PRLR: variants seen among roughly 807,000 people sequenced by gnomAD.
PRLR encodes the protein prolactin receptor, also known as hPRL receptor.
In PRLR, 13 loss-of-function variants were observed where a neutral mutation model predicts 40.2. That is an observed-to-expected ratio of 0.32 (90% CI 0.21 to 0.51). The LOEUF (loss-of-function observed/expected upper bound fraction) is 0.51. Among genes scored for constraint, PRLR ranks in the 20% least tolerant of loss-of-function variants. The pLI is 0.97. For missense variants in PRLR, 656 were observed against 747.3 expected (o/e 0.88, Z 1.42); for synonymous variants, 269 against 278.7 (o/e 0.97, Z 0.35).
intron 1 of PRLR, among the ~76,000 whole-genome samples, chr5:35,224,460 T>C (rs1938275626): frequency 6.6e-6 from 1 of 152,222 alleles, no homozygotes; most frequent in African/African-American, 2.4e-5. Context: ...TTCATTCTTG[T>C]CAGCTTCTTT....
intron 2 of PRLR, among the ~76,000 whole-genome samples, chr5:35,091,695 G>T (rs1771220241): frequency 1.3e-5 from 2 of 152,184 alleles, no homozygotes; most frequent in African/African-American, 4.8e-5. Context: ...GTAGGGGCAG[G>T]AGAGCCAGAG....
intron 5 of PRLR, among the ~76,000 whole-genome samples, chr5:35,079,927 A>G (rs1328878738): frequency 6.6e-6 from 1 of 152,252 alleles, no homozygotes; most frequent in East Asian, 1.9e-4. Flanking sequence ...GACAAAAACA[A>G]GAAATGGGGA....
chr5:35,170,926 C>T (rs918979721), intron 1 of PRLR, among the ~76,000 whole-genome samples: 17 of 152,048 alleles, frequency 1.1e-4, no homozygotes, highest in African/African-American at 2.9e-4. Context: ...ATTGAACAAA[C>T]GGACAAAGTA....
At chr5:35,203,593 C>G (rs1390462243) in intron 1 of PRLR, among the ~76,000 whole-genome samples, 1 of 152,164 alleles carries the variant, frequency 6.6e-6, no homozygotes, top group Non-Finnish European at 1.5e-5. Context: ...GTAGAGAAAC[C>G]TACTTAATGA....
At chr5:35,150,580 C>T (rs1482198181) in intron 1 of PRLR, among the ~76,000 whole-genome samples, 3 of 152,040 alleles carry the variant, frequency 2.0e-5, no homozygotes, top group African/African-American at 7.2e-5. Context: ...TGAATTAAAC[C>T]ATCTACATTT....
intron 1 of PRLR, among the ~76,000 whole-genome samples, chr5:35,187,458 C>G (rs1363281952): frequency 6.6e-6 from 1 of 151,754 alleles, no homozygotes; most frequent in Non-Finnish European, 1.5e-5. Context: ...AATTCTAACA[C>G]TATCAACAGA....
intron 1 of PRLR, among the ~76,000 whole-genome samples, chr5:35,203,848 T>TAGGGC (rs10648163): frequency 0.7 from 106,583 of 151,454 alleles, 39,516 homozygotes; most frequent in Non-Finnish European, 0.83. Context: ...ACTAAATATT[T>TAGGGC]AGGTAGTTGA....
At chr5:35,153,477 G>T (rs1579738575) in intron 1 of PRLR, among the ~76,000 whole-genome samples, 1 of 152,222 alleles carries the variant, frequency 6.6e-6, no homozygotes, top group East Asian at 1.9e-4. Context: ...CCTCACAAAA[G>T]CCATATGTAA....
chr5:35,112,237 T>C (rs35248131), intron 2 of PRLR, among the ~76,000 whole-genome samples: 8,346 of 152,254 alleles, frequency 0.055, 548 homozygotes, highest in East Asian at 0.18. Flanking sequence ...TGTCTTAGGG[T>C]TATTTGAAAT....
At chr5:35,163,247 G>A (rs745801678) in intron 1 of PRLR, among the ~76,000 whole-genome samples, 17 of 152,170 alleles carry the variant, frequency 1.1e-4, no homozygotes, top group African/African-American at 3.1e-4. Flanking sequence ...CCTCGAAATC[G>A]TCTGTGAGCC....
At chr5:35,147,672 A>G (rs973677499) in intron 1 of PRLR, among the ~76,000 whole-genome samples, 1 of 152,202 alleles carries the variant, frequency 6.6e-6, no homozygotes, top group African/African-American at 2.4e-5. Context: ...TAAAACAACC[A>G]CAGTTTAAAA....
intron 8 of PRLR, among the ~76,000 whole-genome samples, chr5:35,049,679 A>G (rs879550083): frequency 4.6e-5 from 7 of 152,158 alleles, no homozygotes; most frequent in Non-Finnish European, 7.4e-5. Context: ...AGAAACTGAA[A>G]GTCTTCATAT....
intron 1 of PRLR, among the ~76,000 whole-genome samples, chr5:35,149,100 T>C (rs954102648): frequency 3.9e-5 from 6 of 152,092 alleles, no homozygotes; most frequent in African/African-American, 1.4e-4. Context: ...ATAAATAAAG[T>C]TCATAATCTT....
chr5:35,080,247 C>T (rs901354410), intron 5 of PRLR, among the ~76,000 whole-genome samples: 2 of 152,032 alleles, frequency 1.3e-5, no homozygotes, highest in African/African-American at 4.8e-5. Flanking sequence ...TCAGAGTGAA[C>T]AGGCAACCTA....
intron 5 of PRLR, among the ~76,000 whole-genome samples, chr5:35,077,798 T>C (rs1188809784): frequency 6.6e-6 from 1 of 152,174 alleles, no homozygotes; most frequent in Non-Finnish European, 1.5e-5. Flanking sequence ...GACCACATAG[T>C]TGGAAGGAAA....
At chr5:35,127,270 T>C (rs1179307538) in intron 1 of PRLR, among the ~76,000 whole-genome samples, 1 of 152,210 alleles carries the variant, frequency 6.6e-6, no homozygotes, top group African/African-American at 2.4e-5. Context: ...CAGTGTTCCA[T>C]GTGCATGCCA....
chr5:35,066,198 G>C, intron 9 of PRLR, 96 bp from the exon 10 acceptor site: 1 of 1,223,280 alleles, frequency 8.2e-7, no homozygotes, highest in Non-Finnish European at 1.1e-6. Context: ...GCCACAAGCA[G>C]GTGGGAAGAT....
downstream of PRLR, among the ~76,000 whole-genome samples, chr5:35,055,546 A>G (rs1040195855): frequency 3.3e-5 from 5 of 152,192 alleles, no homozygotes; most frequent in Non-Finnish European, 1.5e-5. Flanking sequence ...ATGTCTGCAT[A>G]CTTTATTTCC....
rs869174221 is a variant in PRLR at position 35,191,048 on chromosome 5, C to CTTTTTTT, written c.-106+39213_-106+39219dup. Among the ~76,000 whole-genome samples, 34 of 68,160 alleles carry CTTTTTTT rather than the reference C, an allele frequency of 5.0e-4. 4 individuals carry two copies. In the East Asian group the frequency reaches 5.1e-3, roughly 10 times the overall value. The allele number at this position is 68,160 out of a possible 152,430, so 44.7% of individuals were successfully genotyped here. ...ATCCAATTAACAGATGTGTTATTTT[C>CTTTTTTT]TTTTTTTTTTTTTTTTTTTTTTTTT... On this transcript the variant is annotated intron_variant, in intron 1 of 9. Coordinates refer to ENST00000618457, the MANE Select transcript of PRLR (RefSeq NM_000949.7).
Sources: allele counts gnomAD v4.1 joint callset (sites outside exome capture counted in the v4.1 genomes callset), GRCh38; gene constraint gnomAD v4.1.1; transcripts MANE v1.5; gene names NCBI Gene and HGNC (gene_info 2026-07-23, HGNC 2026-07-21).